Variants in EXD3 observed in about 807,000 individuals in gnomAD.
EXD3 encodes exonuclease mut-7 homolog.
EXD3 carries 92 observed loss-of-function variants against 98.0 expected under a neutral mutation model. That is an observed-to-expected ratio of 0.94 (90% CI 0.79 to 1.12). The LOEUF (loss-of-function observed/expected upper bound fraction) is 1.12, where lower values mean the gene tolerates loss of function less well. Ranked by LOEUF, EXD3 falls within the 50% of genes most tolerant of loss-of-function variation. EXD3 has a pLI of 0.00. For missense variants in EXD3, 1,222 were observed against 1,191.6 expected (o/e 1.03, Z -0.38); for synonymous variants, 569 against 526.0 (o/e 1.08, Z -1.12).
At chr9:137,308,797 C>T (rs572057672) in intron 20 of EXD3, among the ~76,000 whole-genome samples, 5 of 152,122 alleles carry the variant, frequency 3.3e-5, no homozygotes, top group African/African-American at 7.2e-5. Flanking sequence ...CCACCACACC[C>T]GGCTAATTTT....
In EXD3 at chr9:137,372,970, C is replaced by T. The variant is rs2131682306; in HGVS notation, c.397G>A (p.Asp133Asn). ...GCCAGCAGGCAGCTCCTGTCTGCAT[C>T]CTGCAGCTGGAAGATGCTGGCCAGT... ...APLASIFQLQ[D>N]ADRSCLLAHV... The change falls in exon 5 of 22, where the codon GAT becomes AAT. Residue 133 changes from aspartate (D) to asparagine (N), a missense_variant. Physicochemically the swap from Asp to Asn is conservative, Grantham distance 23 (BLOSUM62 1). Coordinates refer to ENST00000340951, the MANE Select transcript of EXD3 (RefSeq NM_017820.5). 3 of 1,603,896 alleles carry T rather than the reference C, an allele frequency of 1.9e-6. No individual in the cohort carries two copies. The highest frequency in any genetic ancestry group is 2.5e-6 in the Non-Finnish European group (3 of 1,179,744).
rs763297297 is a variant in EXD3 at position 137,383,320 on chromosome 9, C to T, written c.113G>A (p.Arg38Gln). The T allele has an allele frequency of 3.9e-5, 60 of 1,549,760 alleles. No homozygotes were observed. The highest frequency in any genetic ancestry group is 2.7e-4 in the Admixed American group (14 of 50,968). The change falls in exon 3 of 22, where the codon CGG becomes CAG. Residue 38 changes from arginine to glutamine, a missense_variant. Transcript: ENST00000340951. ...ALQTLWSTRERKQLREEAWRG... is the reference protein window; with the variant it reads ...ALQTLWSTREQKQLREEAWRG... ...GCTGCCACGTCCACTCACCTGCTTC[C>T]GCTCCCGCGTGGACCACAGGGTCTG...
At chr9:137,327,770 G>A (rs1287573539) in intron 17 of EXD3, among the ~76,000 whole-genome samples, 2 of 151,114 alleles carry the variant, frequency 1.3e-5, no homozygotes, top group Admixed American at 6.6e-5. Flanking sequence ...ACTCCCATAG[G>A]ATGAGTAAAA....
Position 137,407,143 on chromosome 9 carries a change from G to A in EXD3, c.-47-11739C>T, listed in dbSNP as rs912524610. 6.6e-6 allele frequency among the ~76,000 whole-genome samples: 1 copy of A among 152,146 alleles called. No individual in the cohort carries two copies. The highest frequency in any genetic ancestry group is 1.9e-4 in the East Asian group (1 of 5,182). ...GGGCACCCCACGCCGACCGCCGCGC[G>A]TCCGGGCCGGTCTCTGGGCCCCTCT... is the stretch of plus-strand genomic sequence containing the variant. On this transcript the variant is annotated intron_variant, in intron 1 of 21. Coordinates refer to ENST00000340951, the MANE Select transcript of EXD3 (RefSeq NM_017820.5). The surrounding 1 kb of genome is among the most constrained non-coding windows in gnomAD (Gnocchi z 4.4).
At position 137,393,950 on chromosome 9, in the gene EXD3, C is replaced by T. The variant is rs1837075165; in HGVS notation, c.55+1353G>A. Among the ~76,000 whole-genome samples, 1 of 152,150 alleles carries T rather than the reference C, an allele frequency of 6.6e-6. No homozygotes were observed. The highest frequency in any genetic ancestry group is 2.4e-5 in the African/African-American group (1 of 41,426). On this transcript the variant is annotated intron_variant, in intron 2 of 21. Transcript: ENST00000340951. The surrounding 1 kb of genome is among the most constrained non-coding windows in gnomAD (Gnocchi z 4.6). ...TGAAGGATGTGAAGGGGCCCCGGCA[C>T]CCCCTTCTCACCCTCTGCCCACAAA...
At chr9:137,326,078 CAA>C (rs796346556) in intron 17 of EXD3, among the ~76,000 whole-genome samples, 56 of 95,368 alleles carry the variant, frequency 5.9e-4, no homozygotes, top group Admixed American at 8.5e-4. Context: ...GAACCTGTCT[CAA>C]AAAAAAAAAA....
intron 19 of EXD3, among the ~76,000 whole-genome samples, chr9:137,314,988 T>C (rs1831566197): frequency 6.6e-6 from 1 of 152,084 alleles, no homozygotes; most frequent in Non-Finnish European, 1.5e-5. Flanking sequence ...CCAGGAAGCG[T>C]GTTACTGCCT....
At chr9:137,377,625 G>C (rs963978373) in intron 3 of EXD3, among the ~76,000 whole-genome samples, 1 of 143,028 alleles carries the variant, frequency 7.0e-6, no homozygotes, top group African/African-American at 2.6e-5. Context: ...GGAGGCTGAG[G>C]CAGGAGAATC....
chr9:137,417,457 G>C (rs1358444341), intron 1 of EXD3, among the ~76,000 whole-genome samples: 1 of 152,198 alleles, frequency 6.6e-6, no homozygotes. Context: ...GGAGCCAACG[G>C]CGCGAGGGGC....
At chr9:137,412,701 A>G (rs1479142716) in intron 1 of EXD3, among the ~76,000 whole-genome samples, 3 of 152,266 alleles carry the variant, frequency 2.0e-5, no homozygotes, top group Admixed American at 6.5e-5. Flanking sequence ...AGGCCTCCTC[A>G]GTGAACAGCA....
At chr9:137,345,677 G>GAAAAAAAAAAA (rs1833892827) in intron 17 of EXD3, 1 of 123,112 alleles carries the variant, frequency 8.1e-6, no homozygotes, top group African/African-American at 2.7e-5. Flanking sequence ...AAAAAAAAAG[G>GAAAAAAAAAAA]AAAGAAAAGA....
chr9:137,373,185 G>C (rs977370336), intron 4 of EXD3, 113 bp from the exon 5 acceptor site: 7 of 1,330,030 alleles, frequency 5.3e-6, no homozygotes, highest in Non-Finnish European at 7.1e-6. Flanking sequence ...GGCCATGTGT[G>C]GGCATCGGGT....
At chr9:137,353,088 C>T (rs921934396) in intron 10 of EXD3, 2 of 1,232,074 alleles carry the variant, frequency 1.6e-6, no homozygotes, top group Non-Finnish European at 2.0e-6. Flanking sequence ...CCCCAGCTGG[C>T]CCCTCCTGGC....
intron 3 of EXD3, chr9:137,374,919 G>GAGAA: frequency 1.1e-6 from 1 of 929,330 alleles, no homozygotes; most frequent in Non-Finnish European, 1.3e-6. Context: ...GCTCTAGTGA[G>GAGAA]TTCTAACTCT....
intron 19 of EXD3, among the ~76,000 whole-genome samples, chr9:137,320,235 C>T (rs893690506): frequency 1.3e-5 from 2 of 152,220 alleles, no homozygotes; most frequent in Non-Finnish European, 2.9e-5. Flanking sequence ...ACGTCCTGCC[C>T]CCAGACAGAG....
At position 137,348,182 on chromosome 9, in the gene EXD3, G is replaced by T. The variant is rs4078069; in HGVS notation, c.1887C>A (p.Ala629=). The part of the protein sequence containing the change: ...EGAAPQIPAR[A]FRVVCDNMLQ... Reference sequence around the variant, plus strand: ...GCATGTTGTCACACACCACACGGAAGGCCCTGGCCGGAATCTGAGGGGCAG... The same window carrying T: ...GCATGTTGTCACACACCACACGGAATGCCCTGGCCGGAATCTGAGGGGCAG... Residue 629 remains alanine, a synonymous_variant, in exon 17 of 22, where the codon GCC becomes GCA. Transcript: ENST00000340951. The T allele has an allele frequency of 1.2e-6, 2 of 1,611,716 alleles. No homozygotes were observed. The highest frequency in any genetic ancestry group is 1.3e-5 in the African/African-American group (1 of 74,802).
At chr9:137,378,375 ATTG>A (rs1331957691) in intron 3 of EXD3, among the ~76,000 whole-genome samples, 1 of 151,938 alleles carries the variant, frequency 6.6e-6, no homozygotes, top group Non-Finnish European at 1.5e-5. Flanking sequence ...CGCTCGGCTA[ATTG>A]TTGTATTTTT....
intron 3 of EXD3, among the ~76,000 whole-genome samples, chr9:137,376,130 G>A (rs1835886059): frequency 2.0e-5 from 3 of 151,854 alleles, no homozygotes; most frequent in Admixed American, 6.6e-5. Context: ...AGATCACGAG[G>A]TCAGGAGATA....
chr9:137,394,745 G>A (rs944964835), intron 2 of EXD3, among the ~76,000 whole-genome samples: 5 of 152,186 alleles, frequency 3.3e-5, no homozygotes, highest in Admixed American at 6.5e-5. Context: ...CACAGGGAAG[G>A]TGCCTCTCAT....
Sources: allele counts gnomAD v4.1 joint callset (sites outside exome capture counted in the v4.1 genomes callset), GRCh38; gene constraint gnomAD v4.1.1; non-coding constraint Gnocchi (gnomAD v3.1); transcripts MANE v1.5; gene names NCBI Gene and HGNC (gene_info 2026-07-23, HGNC 2026-07-21).